Variants in RAF1 observed in about 807,000 individuals in gnomAD.
The protein encoded by RAF1 is Raf-1 proto-oncogene, serine/threonine kinase, also known as RAF proto-oncogene serine/threonine-protein kinase.
A neutral mutation model predicts 81.1 loss-of-function variants in RAF1; 27 were observed. The observed-to-expected ratio is 0.33, with a 90% CI of 0.25 to 0.46. RAF1 has a LOEUF of 0.46. RAF1 is among the 20% of genes least tolerant of loss of function. RAF1 has a pLI of 1.00. For synonymous variants in RAF1, 298 were observed against 294.0 expected, an observed-to-expected ratio of 1.01 and a Z score of -0.14; for missense variants, 598 against 826.0, an observed-to-expected ratio of 0.72 and a Z score of 3.38.
chr3:12,618,881 A>C, intron 1 of RAF1, 134 bp from the exon 2 acceptor site: 1 of 702,004 alleles, frequency 1.4e-6, no homozygotes, highest in South Asian at 1.7e-5. Context: ...CAGCAAAGAA[A>C]AGTTTCTTTA....
At chr3:12,621,265 C>A (rs180844428) in intron 1 of RAF1, among the ~76,000 whole-genome samples, 12 of 152,322 alleles carry the variant, frequency 7.9e-5, no homozygotes, top group Admixed American at 7.2e-4. Flanking sequence ...CTGGGCTGCA[C>A]TGACTCCATA....
At chr3:12,598,739 A>AAAAAAAAAAC (rs2058763645) in intron 11 of RAF1, among the ~76,000 whole-genome samples, 1 of 148,650 alleles carries the variant, frequency 6.7e-6, no homozygotes, top group Non-Finnish European at 1.5e-5. Context: ...AAAAAAAAAA[A>AAAAAAAAAAC]AAAAAAAAAA....
intron 11 of RAF1, among the ~76,000 whole-genome samples, chr3:12,596,859 ACTC>A (rs1037996988): frequency 2.7e-5 from 4 of 150,614 alleles, no homozygotes; most frequent in African/African-American, 9.8e-5. Context: ...ACTGCTCCTC[ACTC>A]CTCTGACTTT....
intron 1 of RAF1, among the ~76,000 whole-genome samples, chr3:12,649,858 G>A (rs953871561): frequency 6.6e-6 from 1 of 151,774 alleles, no homozygotes; most frequent in Non-Finnish European, 1.5e-5. Flanking sequence ...TTTTTAATTA[G>A]CTGGGCAGCC....
chr3:12,585,386 C>G (rs1226156230), intron 15 of RAF1, 133 bp from the exon 15 acceptor site: 2 of 1,539,374 alleles, frequency 1.3e-6, no homozygotes, highest in Non-Finnish European at 1.7e-6. Flanking sequence ...GCTTTTCCCC[C>G]AAAGGACTCC....
At chr3:12,618,293 G>T (rs2059439329) in intron 2 of RAF1, among the ~76,000 whole-genome samples, 1 of 151,790 alleles carries the variant, frequency 6.6e-6, no homozygotes, top group Non-Finnish European at 1.5e-5. Context: ...CACAAAGGAA[G>T]ACATTCCAGG....
chr3:12,595,577 C>A (rs562989495), intron 11 of RAF1, among the ~76,000 whole-genome samples: 28 of 152,184 alleles, frequency 1.8e-4, no homozygotes, highest in Middle Eastern at 3.4e-3. Flanking sequence ...TATTAGTATA[C>A]CTCTCACTCA....
At position 12,620,081 on chromosome 3, in the gene RAF1, C is replaced by A. The variant is rs148495484; in HGVS notation, c.-26-1334G>T. Among the ~76,000 whole-genome samples the A allele has an allele frequency of 2.0e-3, 299 of 151,652 alleles. 1 individual carries two copies. The highest frequency in any genetic ancestry group is 6.3e-3 in the African/African-American group (262 of 41,406). Reference sequence around the variant, plus strand: ...TGGGGGACAGAGCAAGACTCCATCTCAAAAAAAATAATAATAATAAATTAT... The same window carrying A: ...TGGGGGACAGAGCAAGACTCCATCTAAAAAAAAATAATAATAATAAATTAT... On this transcript the variant is annotated intron_variant, in intron 1 of 17. Transcript: ENST00000442415.
chr3:12,621,784 T>A (rs1394045266), intron 1 of RAF1, among the ~76,000 whole-genome samples: 1 of 152,068 alleles, frequency 6.6e-6, no homozygotes, highest in Non-Finnish European at 1.5e-5. Context: ...ATAAAGTAGA[T>A]CCATATATAC....
chr3:12,587,991 G>C (rs150476794), intron 13 of RAF1: 1 of 139,210 alleles, frequency 7.2e-6, no homozygotes, highest in Non-Finnish European at 1.3e-5. Flanking sequence ...TTTTTGGGTA[G>C]ATACAGGGTC....
At chr3:12,624,868 A>G (rs6442321) in intron 1 of RAF1, among the ~76,000 whole-genome samples, 117,771 of 139,614 alleles carry the variant, frequency 0.84, 50,191 homozygotes, top group African/African-American at 0.95. Flanking sequence ...CCTGAGCAAC[A>G]AAGCAAGACT....
At position 12,584,531 on chromosome 3, in the gene RAF1, T is replaced by C. The variant is rs753992423; in HGVS notation, c.1990A>G (p.Arg664Gly). The change falls in exon 18 of 18, where the codon AGG becomes GGG. Residue 664 changes from arginine to glycine, a missense_variant. Coordinates refer to ENST00000442415, the MANE Select transcript of RAF1 (RefSeq NM_001354689.3). ...AAAGTCAACTAGAAGACAGGCAGCCTCGGGGACGTGGTCAGCGTGCAAGCA... is the reference window on the plus strand; with the variant it reads ...AAAGTCAACTAGAAGACAGGCAGCCCCGGGGACGTGGTCAGCGTGCAAGCA... The C allele has an allele frequency of 8.1e-6, 13 of 1,614,006 alleles. No individual in the cohort carries two copies. Among genetic ancestry groups the C allele is most frequent in the Non-Finnish European group, 1.1e-5 (13 of 1,180,032 alleles).
chr3:12,584,689 C>A (rs2058264272), intron 17 of RAF1, 32 bp from the exon 17 acceptor site: 1 of 1,614,044 alleles, frequency 6.2e-7, no homozygotes, highest in South Asian at 1.1e-5. Flanking sequence ...CTCTCATTAG[C>A]TGTGTCTCAA....
intron 1 of RAF1, among the ~76,000 whole-genome samples, chr3:12,625,086 TTTTA>T (rs1416204477): frequency 6.6e-6 from 1 of 151,932 alleles, no homozygotes; most frequent in Admixed American, 6.6e-5. Context: ...TTTATTTTAT[TTTTA>T]TTTATTTTTT....
chr3:12,642,300 A>C (rs1217434454), intron 1 of RAF1, among the ~76,000 whole-genome samples: 1 of 151,090 alleles, frequency 6.6e-6, no homozygotes, highest in East Asian at 1.9e-4. Flanking sequence ...AATACAAAAA[A>C]AAAAAACCCC....
intron 7 of RAF1, chr3:12,603,636 C>A: frequency 3.3e-6 from 2 of 600,030 alleles, no homozygotes; most frequent in South Asian, 2.0e-5. Context: ...GCAAATTAAA[C>A]CAATAGGACA....
chr3:12,604,015 CAGAGACCTG>C (rs1172724826), intron 7 of RAF1, 112 bp downstream of exon 7: 2 of 1,138,368 alleles, frequency 1.8e-6, no homozygotes, highest in Non-Finnish European at 2.6e-6. Context: ...TGTAAAAGTC[CAGAGACCTG>C]AGAAAGTGTT....
chr3:12,615,192 T>G (rs1435119800), intron 2 of RAF1, among the ~76,000 whole-genome samples: 1 of 152,186 alleles, frequency 6.6e-6, no homozygotes, highest in Admixed American at 6.5e-5. Context: ...ACTCTAATAG[T>G]AGTGGTCCTC....
At chr3:12,648,429 G>A (rs1449480451) in intron 1 of RAF1, among the ~76,000 whole-genome samples, 4 of 151,938 alleles carry the variant, frequency 2.6e-5, no homozygotes, top group Admixed American at 6.6e-5. Context: ...TATTCAACAA[G>A]TGGTTAAAAA....
Sources: allele counts gnomAD v4.1 joint callset (sites outside exome capture counted in the v4.1 genomes callset), GRCh38; gene constraint gnomAD v4.1.1; transcripts MANE v1.5; gene names NCBI Gene and HGNC (gene_info 2026-07-23, HGNC 2026-07-21).